CSMD3: variants seen among roughly 807,000 people sequenced by gnomAD.
CSMD3 encodes the protein CUB and sushi domain-containing protein 3.
A neutral mutation model predicts 435.2 loss-of-function variants in CSMD3; 177 were observed. That is an observed-to-expected ratio of 0.41 (90% confidence interval 0.36 to 0.46). The LOEUF is 0.46. Among genes scored for constraint, CSMD3 ranks in the 20% least tolerant of loss-of-function variants. CSMD3 has a pLI of 0.34. For missense variants in CSMD3, 4,265 were observed against 4,504.6 expected, an observed-to-expected ratio of 0.95 and a Z score of 1.52; for synonymous variants, 1,656 against 1,520.5, an observed-to-expected ratio of 1.09 and a Z score of -2.07.
intron 3 of CSMD3, among the ~76,000 whole-genome samples, chr8:113,274,346 G>C (rs908324708): frequency 5.9e-5 from 9 of 152,096 alleles, no homozygotes; most frequent in Non-Finnish European, 1.3e-4. Context: ...AGTAGAGACT[G>C]TATAACTCAT....
chr8:113,186,601 C>G (rs912077006), intron 3 of CSMD3, among the ~76,000 whole-genome samples: 1 of 152,064 alleles, frequency 6.6e-6, no homozygotes, highest in East Asian at 2.0e-4. Flanking sequence ...TAGTGATTGT[C>G]CCCTCCTTGC....
intron 47 of CSMD3, among the ~76,000 whole-genome samples, chr8:112,316,261 A>G (rs1822451051): frequency 6.6e-6 from 1 of 151,598 alleles, no homozygotes; most frequent in Non-Finnish European, 1.5e-5. Context: ...TCAACCTGGG[A>G]TTTTCCTTCA....
chr8:112,504,744 C>T (rs1822330256), intron 29 of CSMD3, among the ~76,000 whole-genome samples: 1 of 152,012 alleles, frequency 6.6e-6, no homozygotes, highest in African/African-American at 2.4e-5. Context: ...AAAAGTATAA[C>T]AATTGTCCCA....
At chr8:112,825,218 A>G (rs59140406) in intron 12 of CSMD3, among the ~76,000 whole-genome samples, 1 of 152,040 alleles carries the variant, frequency 6.6e-6, no homozygotes. Context: ...ACCTTTTATC[A>G]AGGTTCTTAT....
chr8:112,585,916 C>A (rs1213826932), intron 23 of CSMD3, among the ~76,000 whole-genome samples: 2 of 151,520 alleles, frequency 1.3e-5, no homozygotes, highest in Non-Finnish European at 3.0e-5. Flanking sequence ...CTTACTTTAA[C>A]AGAAACACCC....
chr8:113,046,679 A>T (rs1440287419), intron 5 of CSMD3, among the ~76,000 whole-genome samples: 1 of 152,172 alleles, frequency 6.6e-6, no homozygotes, highest in Non-Finnish European at 1.5e-5. Flanking sequence ...GCCGGCGTCA[A>T]AGAGCTCTCC....
Position 112,965,388 on chromosome 8 carries a change from T to G in CSMD3, c.1342+10449A>C, listed in dbSNP as rs937453855. Among the ~76,000 whole-genome samples, 3 of 151,944 alleles carry G rather than the reference T, an allele frequency of 2.0e-5. No individual in the cohort carries two copies. The East Asian group carries it at 5.8e-4, about 29-fold the overall frequency. ...CCTTATTTACTCATTCTATTAAAAATGAGATATAGTGTGTTAATATAAAAA... is the reference window on the plus strand; with the variant it reads ...CCTTATTTACTCATTCTATTAAAAAGGAGATATAGTGTGTTAATATAAAAA... On this transcript the variant is annotated intron_variant, in intron 7 of 70. Transcript: ENST00000297405.
chr8:112,875,359 T>G (rs1452463417), intron 10 of CSMD3, among the ~76,000 whole-genome samples: 4 of 152,188 alleles, frequency 2.6e-5, no homozygotes, highest in African/African-American at 9.6e-5. Context: ...CATTTTTTCT[T>G]TCATTTCAAT....
chr8:112,336,738 C>A lies in CSMD3; in HGVS notation c.6933G>T (p.Trp2311Cys), dbSNP rs1180554149. 2 of 1,613,022 alleles carry A rather than the reference C, an allele frequency of 1.2e-6. No homozygotes were observed. Among genetic ancestry groups the A allele is most frequent in the Non-Finnish European group, 1.7e-6 (2 of 1,179,260 alleles). ...CATTCCCAGGGGGTACTCTTACAAGCCAAAAACAATCTTGAAAGTTTGGAT... is the reference window on the plus strand; with the variant it reads ...CATTCCCAGGGGGTACTCTTACAAGACAAAAACAATCTTGAAAGTTTGGAT... ...DEYPNFQDCF[W>C]LVRVPPGNGI... The change falls in exon 44 of 71, where the codon TGG (tryptophan) becomes TGT (cysteine). Residue 2311 changes from tryptophan (W) to cysteine (C), a missense_variant. Transcript: ENST00000297405.
At chr8:113,095,266 G>A (rs535798635) in intron 5 of CSMD3, among the ~76,000 whole-genome samples, 82 of 152,142 alleles carry the variant, frequency 5.4e-4, no homozygotes, top group African/African-American at 9.4e-4. Flanking sequence ...ATTTAGGAAC[G>A]TATTTTATAA....
At chr8:113,385,524 G>T (rs16884580) in intron 1 of CSMD3, among the ~76,000 whole-genome samples, 3,429 of 152,168 alleles carry the variant, frequency 0.023, 112 homozygotes, top group African/African-American at 0.077. Context: ...TTACCAAGTA[G>T]AGGTGCTGAA....
intron 11 of CSMD3, among the ~76,000 whole-genome samples, chr8:112,839,998 T>G (rs1450547713): frequency 6.6e-6 from 1 of 151,748 alleles, no homozygotes; most frequent in Non-Finnish European, 1.5e-5. Flanking sequence ...TTATGTAATT[T>G]ATTTAAACAA....
At chr8:112,405,214 C>CAAT (rs1831704106) in intron 35 of CSMD3, among the ~76,000 whole-genome samples, 1 of 19,070 alleles carries the variant, frequency 5.2e-5, no homozygotes, top group African/African-American at 2.8e-4. Flanking sequence ...AAAAAACCCC[C>CAAT]ATATATATAT....
At chr8:112,295,801 G>T (rs2130712921) in intron 54 of CSMD3, 32 bp downstream of exon 54, 1 of 1,593,492 alleles carries the variant, frequency 6.3e-7, no homozygotes, top group Non-Finnish European at 8.6e-7. Context: ...AAAGATCAGA[G>T]GTCTCTAATT....
intron 10 of CSMD3, among the ~76,000 whole-genome samples, chr8:112,918,441 AT>A (rs1180246179): frequency 1.3e-5 from 2 of 151,606 alleles, no homozygotes; most frequent in African/African-American, 2.4e-5. Flanking sequence ...AAAATTTGCC[AT>A]TTTTTTCTTC....
chr8:113,167,826 T>C (rs1417313759), intron 4 of CSMD3, among the ~76,000 whole-genome samples: 4 of 152,194 alleles, frequency 2.6e-5, no homozygotes, highest in Non-Finnish European at 5.9e-5. Flanking sequence ...GCATCAAATA[T>C]AACTGCTCAC....
intron 3 of CSMD3, among the ~76,000 whole-genome samples, chr8:113,218,936 C>CA (rs961292686): frequency 1.1e-4 from 17 of 151,176 alleles, no homozygotes; most frequent in Non-Finnish European, 4.4e-5. Flanking sequence ...AAGGGAGCTA[C>CA]AATTCAAGAT....
intron 1 of CSMD3, among the ~76,000 whole-genome samples, chr8:113,354,986 T>C (rs1001269164): frequency 6.6e-6 from 1 of 152,148 alleles, no homozygotes. Context: ...AAATTTCAAG[T>C]ATCTTGTCAA....
At chr8:112,495,564 T>C (rs10100450) in intron 30 of CSMD3, among the ~76,000 whole-genome samples, 121,663 of 152,142 alleles carry the variant, frequency 0.8, 48,995 homozygotes, top group African/African-American at 0.88. Context: ...TGGTGAATAG[T>C]TTTCTATGAA....
Sources: gnomAD v4.1 joint callset for allele counts (sites outside exome capture counted in the v4.1 genomes callset) on GRCh38, gnomAD v4.1.1 for gene constraint, MANE v1.5 for transcripts, NCBI Gene and HGNC (gene_info 2026-07-23, HGNC 2026-07-21) for gene names.